PODXL: variants seen among roughly 807,000 people sequenced by gnomAD.
PODXL encodes the protein podocalyxin.
In PODXL, 20 loss-of-function variants were observed where a neutral mutation model predicts 48.9. The ratio of observed to expected loss-of-function variants is 0.41; its 90% CI spans 0.29 to 0.59. The LOEUF (loss-of-function observed/expected upper bound fraction) is 0.59, where lower values mean the gene tolerates loss of function less well. Ranked by LOEUF, PODXL falls within the 20% of genes least tolerant of loss-of-function variation. PODXL has a pLI of 0.31. For synonymous variants in PODXL, 295 were observed against 287.4 expected, an observed-to-expected ratio of 1.03 and a Z score of -0.27; for missense variants, 606 against 675.1, an observed-to-expected ratio of 0.90 and a Z score of 1.13.
rs1798602416 is a variant in PODXL, at chr7:131,547,618, T to C, written c.100+8642A>G. On this transcript the variant is annotated intron_variant, in intron 1 of 8. Transcript: ENST00000378555. Reference sequence around the variant, plus strand: ...GCATCAGCAGAGATTTCCATTTTTCTTCTCTTCACCATCACAGCAAAATTT... The same window carrying C: ...GCATCAGCAGAGATTTCCATTTTTCCTCTCTTCACCATCACAGCAAAATTT... Among the ~76,000 whole-genome samples the C allele has an allele frequency of 2.0e-5, 3 of 152,338 alleles. No individual in the cohort carries two copies. The South Asian group carries it at 6.2e-4, about 32-fold the overall frequency.
chr7:131,546,703 G>T (rs1461714835), intron 1 of PODXL, among the ~76,000 whole-genome samples: 1 of 142,978 alleles, frequency 7.0e-6, no homozygotes, highest in East Asian at 2.0e-4. Context: ...TCCAGCCTGG[G>T]CAACACAGTG....
chr7:131,546,149 C>G (rs1289203669), intron 1 of PODXL, among the ~76,000 whole-genome samples: 1 of 149,370 alleles, frequency 6.7e-6, no homozygotes, highest in Non-Finnish European at 1.5e-5. Flanking sequence ...AACATCGTGT[C>G]ACTGCCTGCT....
intron 1 of PODXL, among the ~76,000 whole-genome samples, chr7:131,514,596 G>C (rs1797963339): frequency 6.6e-6 from 1 of 151,742 alleles, no homozygotes; most frequent in East Asian, 1.9e-4. Flanking sequence ...AAATTGGTGG[G>C]ATGATTGTTT....
chr7:131,541,543 G>T (rs556603929), intron 1 of PODXL, among the ~76,000 whole-genome samples: 1 of 152,034 alleles, frequency 6.6e-6, no homozygotes, highest in Non-Finnish European at 1.5e-5. Flanking sequence ...AAAATTAGCC[G>T]GGCTTGGTGG....
chr7:131,545,517 TC>T (rs1383897524), intron 1 of PODXL, among the ~76,000 whole-genome samples: 1 of 152,134 alleles, frequency 6.6e-6, no homozygotes, highest in East Asian at 1.9e-4. Flanking sequence ...CATCAGTATT[TC>T]CCCCAAAATG....
intron 1 of PODXL, among the ~76,000 whole-genome samples, chr7:131,513,734 C>G (rs1797952177): frequency 6.6e-6 from 1 of 152,214 alleles, no homozygotes; most frequent in South Asian, 2.1e-4. Context: ...CATGGGTAAG[C>G]AGCGCTGGCC....
intron 1 of PODXL, among the ~76,000 whole-genome samples, chr7:131,522,063 C>G (rs1192150648): frequency 6.6e-6 from 1 of 152,230 alleles, no homozygotes; most frequent in Non-Finnish European, 1.5e-5. Flanking sequence ...CACCCTCAAG[C>G]TCAGCTTCCC....
intron 1 of PODXL, chr7:131,520,409 A>T: frequency 2.8e-6 from 1 of 353,780 alleles, no homozygotes; most frequent in Non-Finnish European, 5.4e-6. Context: ...AGGAAACAGA[A>T]TGAGGATGAA....
rs953806048 is a variant in PODXL, at chr7:131,503,064, T to C, written c.*1247A>G. 4 of 152,688 alleles carry C rather than the reference T, an allele frequency of 2.6e-5. No individual in the cohort carries two copies. The highest frequency in any genetic ancestry group is 1.9e-4 in the East Asian group (1 of 5,192). 9.5% of individuals were successfully genotyped at this position (152,688 alleles called of 1,614,324 possible). A position where few individuals can be genotyped will look rare whatever the true frequency, so the allele number is the denominator to read the frequency against. On this transcript the variant is annotated 3_prime_UTR_variant, in exon 9 of 9. Coordinates refer to ENST00000378555, the MANE Select transcript of PODXL (RefSeq NM_001018111.3). Reference sequence around the variant, plus strand: ...GAGAATCAGAGTGAGTGAGATGAGCTAACTGGACGTCTGCCAACTGTCTGA... The same window carrying C: ...GAGAATCAGAGTGAGTGAGATGAGCCAACTGGACGTCTGCCAACTGTCTGA...
At chr7:131,537,654 C>T (rs1449949990) in intron 1 of PODXL, among the ~76,000 whole-genome samples, 1 of 121,908 alleles carries the variant, frequency 8.2e-6, no homozygotes, top group South Asian at 2.8e-4. Flanking sequence ...GAATTGTCCT[C>T]GAGGGAATAC....
At chr7:131,554,551 G>A (rs1562921364) in intron 1 of PODXL, among the ~76,000 whole-genome samples, 1 of 152,214 alleles carries the variant, frequency 6.6e-6, no homozygotes, top group Non-Finnish European at 1.5e-5. Context: ...GTTTCTGGCA[G>A]TGCCCAGGTG....
chr7:131,544,482 C>G (rs1261264109), intron 1 of PODXL, among the ~76,000 whole-genome samples: 1 of 152,206 alleles, frequency 6.6e-6, no homozygotes, highest in Non-Finnish European at 1.5e-5. Flanking sequence ...ATCCACAGCA[C>G]AAGCTCTCTA....
At chr7:131,518,038 C>T (rs548896208) in intron 1 of PODXL, among the ~76,000 whole-genome samples, 36 of 152,230 alleles carry the variant, frequency 2.4e-4, no homozygotes, top group Middle Eastern at 3.4e-3. Context: ...CGGGGCCGGC[C>T]GTATATCTCT....
At position 131,510,922 on chromosome 7, in the gene PODXL, C is replaced by G; in HGVS notation, c.612G>C (p.Ser204=). ...AAATTTTCATAAGATGGTCATGTCC[C>G]GAGCTTGTTGGGGTGGCCACAGGAT... ...STHPVATPTS[S]GHDHLMKISS... is the part of the protein sequence containing the mutation. The change falls in exon 2 of 9, where the codon TCG becomes TCC. Residue 204 remains serine, a synonymous_variant. Coordinates refer to ENST00000378555, the MANE Select transcript of PODXL (RefSeq NM_001018111.3). The G allele has an allele frequency of 3.7e-6, 6 of 1,614,108 alleles. No individual in the cohort carries two copies. Among genetic ancestry groups the G allele is most frequent in the Non-Finnish European group, 5.1e-6 (6 of 1,180,018 alleles).
chr7:131,541,450 G>A (rs1798479738), intron 1 of PODXL, among the ~76,000 whole-genome samples: 3 of 152,118 alleles, frequency 2.0e-5, no homozygotes, highest in Admixed American at 2.0e-4. Context: ...CACTTTGGGA[G>A]GCCGAGGCGG....
rs971106974 is a variant in PODXL at position 131,500,799 on chromosome 7, C to T, written c.*3512G>A. 1.3e-5 allele frequency: 2 copies of T among 152,166 alleles called. No homozygotes were observed. Among genetic ancestry groups the T allele is most frequent in the African/African-American group, 4.8e-5 (2 of 41,436 alleles). 9.4% of individuals were successfully genotyped at this position (152,166 alleles called of 1,614,324 possible). The stretch of plus-strand genomic sequence containing the variant: ...TAACAACTGGGAAAGGAATTCTGTC[C>T]TTTGTGTCATTCTGGCACCTTCGAG... On this transcript the variant is annotated 3_prime_UTR_variant, in exon 9 of 9. Transcript: ENST00000378555.
Position 131,556,360 on chromosome 7 carries a change from C to G in PODXL, c.-1G>C, listed in dbSNP as rs374246391. ...CCGAGAGCGCCAGCGCGCAGCGCAT[C>G]GTGTCGTCGCCTCTGGGCCGGGAGC... On this transcript the variant is annotated 5_prime_UTR_variant, in exon 1 of 9. Coordinates refer to ENST00000378555, the MANE Select transcript of PODXL (RefSeq NM_001018111.3). 151 of 1,420,912 alleles carry G rather than the reference C, an allele frequency of 1.1e-4. 1 individual carries two copies. In the African/African-American group the frequency reaches 2.0e-3, roughly 19 times the overall value. The allele number at this position is 1,420,912 out of a possible 1,614,324, so 88.0% of individuals were successfully genotyped here.
intron 3 of PODXL, 100 bp from the exon 4 acceptor site, chr7:131,509,685 T>A: frequency 1.3e-6 from 1 of 789,178 alleles, no homozygotes; most frequent in Non-Finnish European, 2.0e-6. Flanking sequence ...GGTTCTTTGG[T>A]CTTACCTCCC....
chr7:131,556,339 G>GAGCGCC lies in PODXL; in HGVS notation c.15_20dup (p.Ala6_Leu7dup), dbSNP rs927931236. 6.8e-6 allele frequency: 10 copies of GAGCGCC among 1,466,370 alleles called. No homozygotes were observed. The highest frequency in any genetic ancestry group is 9.0e-6 in the Non-Finnish European group (10 of 1,110,456). The allele number at this position is 1,466,370 out of a possible 1,614,324, so 90.8% of individuals were successfully genotyped here. A position where few individuals can be genotyped will look rare whatever the true frequency, so the allele number is the denominator to read the frequency against. Reference sequence around the variant, plus strand: ...TTGACAACAGTAGCAGCAGCGCCGAGAGCGCCAGCGCGCAGCGCATCGTGT... The same window carrying GAGCGCC: ...TTGACAACAGTAGCAGCAGCGCCGAGAGCGCCAGCGCCAGCGCGCAGCGCATCGTGT... On this transcript the variant is annotated inframe_insertion, in exon 1 of 9. Coordinates refer to ENST00000378555, the MANE Select transcript of PODXL (RefSeq NM_001018111.3).
Sources: gnomAD v4.1 joint callset for allele counts (sites outside exome capture counted in the v4.1 genomes callset) on GRCh38, gnomAD v4.1.1 for gene constraint, MANE v1.5 for transcripts, NCBI Gene and HGNC (gene_info 2026-07-23, HGNC 2026-07-21) for gene names.